Variants in DBNDD1 observed in about 807,000 individuals in gnomAD.
The protein encoded by DBNDD1 is dysbindin domain containing 1.
DBNDD1 carries 14 observed loss-of-function variants against 17.0 expected under a neutral mutation model. That is an observed-to-expected ratio of 0.82 (90% CI 0.54 to 1.29). The LOEUF is 1.29. DBNDD1 is among the 50% of genes most tolerant of loss of function. The pLI is 0.00. For synonymous variants in DBNDD1, 105 were observed against 102.0 expected, an observed-to-expected ratio of 1.03 and a Z score of -0.18; for missense variants, 221 against 216.2, an observed-to-expected ratio of 1.02 and a Z score of -0.14.
chr16:90,013,688 G>A (rs1015674964), intron 1 of DBNDD1, among the ~76,000 whole-genome samples: 6 of 152,190 alleles, frequency 3.9e-5, no homozygotes, highest in African/African-American at 1.4e-4. Flanking sequence ...ACTGGGCGGG[G>A]CCCCTCATCT....
chr16:90,006,831 C>T (rs1340099061), intron 3 of DBNDD1: 2 of 257,378 alleles, frequency 7.8e-6, no homozygotes, highest in African/African-American at 4.3e-5. Flanking sequence ...CCCACCTCAG[C>T]CAACCACCCT....
At chr16:90,015,243 C>T (rs1395085227) in intron 1 of DBNDD1, among the ~76,000 whole-genome samples, 1 of 152,126 alleles carries the variant, frequency 6.6e-6, no homozygotes, top group East Asian at 1.9e-4. Context: ...CTTCTGCCAT[C>T]AGGACACGAA....
chr16:90,016,357 G>A (rs970905693), intron 1 of DBNDD1, among the ~76,000 whole-genome samples: 7 of 152,218 alleles, frequency 4.6e-5, no homozygotes, highest in Admixed American at 1.3e-4. Flanking sequence ...AATTCCTCAC[G>A]GGCGAGACCT....
chr16:90,010,916 GAC>G (rs2035542829), intron 1 of DBNDD1, among the ~76,000 whole-genome samples: 1 of 151,706 alleles, frequency 6.6e-6, no homozygotes, highest in Non-Finnish European at 1.5e-5. Context: ...TCAGGGAAGA[GAC>G]AAAGCGCTGG....
At chr16:90,017,297 C>CA (rs2035655957) in intron 1 of DBNDD1, among the ~76,000 whole-genome samples, 2 of 152,264 alleles carry the variant, frequency 1.3e-5, no homozygotes, top group African/African-American at 4.8e-5. Flanking sequence ...AGATCGAGAT[C>CA]ATCCTGGCTA....
intron 1 of DBNDD1, among the ~76,000 whole-genome samples, chr16:90,018,957 G>T (rs2035706273): frequency 6.6e-6 from 1 of 152,180 alleles, no homozygotes; most frequent in Non-Finnish European, 1.5e-5. Context: ...CCACCGACAG[G>T]GACCCCAAAC....
chr16:90,009,625 G>A (rs1182502323), intron 1 of DBNDD1, 195 bp from the exon 2 acceptor site: 2 of 782,124 alleles, frequency 2.6e-6, no homozygotes, highest in Non-Finnish European at 4.0e-6. Flanking sequence ...CAAGGAGGCT[G>A]CTCCTTCCCC....
In DBNDD1 at chr16:90,019,431, C is replaced by G. The variant is rs2035727687; in HGVS notation, c.-90G>C. On this transcript the variant is annotated 5_prime_UTR_variant, in exon 1 of 4. Coordinates refer to ENST00000002501, the MANE Select transcript of DBNDD1 (RefSeq NM_001042610.3). The surrounding 1 kb of genome is among the most constrained non-coding windows in gnomAD (Gnocchi z 6.1). Reference sequence around the variant, plus strand: ...AGCTGCGGCAGCGACTCGGCCCCGGCTCCGGGCGCAGCGCATCGGGGCAGC... The same window carrying G: ...AGCTGCGGCAGCGACTCGGCCCCGGGTCCGGGCGCAGCGCATCGGGGCAGC... The G allele has an allele frequency of 1.2e-6, 1 of 807,904 alleles. No homozygotes were observed. Among genetic ancestry groups the G allele is most frequent in the Non-Finnish European group, 1.6e-6 (1 of 627,758 alleles). 50.0% of individuals were successfully genotyped at this position (807,904 alleles called of 1,614,324 possible).
intron 3 of DBNDD1, chr16:90,006,782 C>A (rs2035436268): frequency 5.3e-6 from 2 of 376,932 alleles, no homozygotes; most frequent in South Asian, 8.0e-5. Flanking sequence ...ATTAAGTGAC[C>A]CTGGTGGGGC....
At chr16:90,017,494 CAAA>C (rs57236541) in intron 1 of DBNDD1, among the ~76,000 whole-genome samples, 64 of 144,256 alleles carry the variant, frequency 4.4e-4, no homozygotes, top group South Asian at 1.3e-3. Context: ...GACTCCGTCT[CAAA>C]AAAAAAAAAA....
chr16:90,016,306 G>A (rs1273409875), intron 1 of DBNDD1, among the ~76,000 whole-genome samples: 1 of 152,198 alleles, frequency 6.6e-6, no homozygotes, highest in Non-Finnish European at 1.5e-5. Flanking sequence ...AATCACCCAG[G>A]CCTGTCTGAC....
In DBNDD1 at chr16:90,006,432, G is replaced by T. The variant is rs1222322153; in HGVS notation, c.380C>A (p.Ala127Asp). 1 of 1,603,202 alleles carries T rather than the reference G, an allele frequency of 6.2e-7. No homozygotes were observed. The highest frequency in any genetic ancestry group is 2.2e-5 in the East Asian group (1 of 44,874). ...GGGCTGCTTCTCGTGGCTCTGCTCA[G>T]CCCTTGTCCTCGTCCAGGAAGGGGA... Reference protein sequence around the residue: ...LRSPSWTRTRAEQSHEKQPLG... With the variant: ...LRSPSWTRTRDEQSHEKQPLG... Residue 127 changes from alanine to aspartate, a missense_variant, in exon 4 of 4, where the codon GCT (alanine) becomes GAT (aspartate). Ala to Asp is a moderately radical substitution (Grantham distance 126). Coordinates refer to ENST00000002501, the MANE Select transcript of DBNDD1 (RefSeq NM_001042610.3).
rs986131188 is a variant in DBNDD1, at chr16:90,019,343, C to T, written c.-2G>A. ...GCCGGCGCCCTCCGGGGGCTCCATGCGGCCGGTGCGGTCTGGGAGGGGCAC... is the reference window on the plus strand; with the variant it reads ...GCCGGCGCCCTCCGGGGGCTCCATGTGGCCGGTGCGGTCTGGGAGGGGCAC... On this transcript the variant is annotated 5_prime_UTR_variant, in exon 1 of 4. Transcript: ENST00000002501. The surrounding 1 kb of genome is among the most constrained non-coding windows in gnomAD (Gnocchi z 6.1). The T allele has an allele frequency of 2.8e-4, 333 of 1,209,812 alleles. No homozygotes were observed. The highest frequency in any genetic ancestry group is 3.2e-4 in the Middle Eastern group (1 of 3,080). 74.9% of individuals were successfully genotyped at this position (1,209,812 alleles called of 1,614,324 possible).
chr16:90,007,991 G>A (rs377247525), intron 3 of DBNDD1, among the ~76,000 whole-genome samples: 46 of 132,660 alleles, frequency 3.5e-4, no homozygotes, highest in African/African-American at 1.3e-3. Context: ...CTCCCAGGAC[G>A]TCCCAAGGGG....
At position 90,006,494 on chromosome 16, in the gene DBNDD1, TA is replaced by T; in HGVS notation, c.320-3del. 1 of 1,596,082 alleles carries T rather than the reference TA, an allele frequency of 6.3e-7. No homozygotes were observed. Among genetic ancestry groups the T allele is most frequent in the Non-Finnish European group, 8.5e-7 (1 of 1,178,226 alleles). On this transcript the variant is annotated splice_region_variant and splice_polypyrimidine_tract_variant and intron_variant, in intron 3 of 3. Coordinates refer to ENST00000002501, the MANE Select transcript of DBNDD1 (RefSeq NM_001042610.3). The stretch of plus-strand genomic sequence containing the variant: ...CGGCCCGGGGCAGCGGGTGCAGACC[TA>T]GGGGCATGCGGGAAGGGGAACTCGG...
intron 1 of DBNDD1, among the ~76,000 whole-genome samples, chr16:90,014,420 G>A (rs12920128): frequency 6.6e-6 from 1 of 151,890 alleles, no homozygotes; most frequent in African/African-American, 2.4e-5. Context: ...CCACCGTGCC[G>A]GGCCAATACC....
chr16:90,013,746 C>T (rs543836850), intron 1 of DBNDD1, among the ~76,000 whole-genome samples: 1 of 152,332 alleles, frequency 6.6e-6, no homozygotes, highest in African/African-American at 2.4e-5. Context: ...ACTTCCGAAT[C>T]ACCCTCTGTT....
At chr16:90,011,459 G>A (rs2035553878) in intron 1 of DBNDD1, 2 of 345,198 alleles carry the variant, frequency 5.8e-6, no homozygotes, top group South Asian at 4.4e-5. Context: ...GAGCTGGGCA[G>A]TGTGGTTGTG....
intron 1 of DBNDD1, among the ~76,000 whole-genome samples, chr16:90,014,762 T>C (rs1247382960): frequency 1.3e-5 from 2 of 152,002 alleles, no homozygotes; most frequent in African/African-American, 2.4e-5. Context: ...CCCAGCACTT[T>C]GGGAGGCCAA....
Sources: gnomAD v4.1 joint callset for allele counts (sites outside exome capture counted in the v4.1 genomes callset) on GRCh38, gnomAD v4.1.1 for gene constraint, Gnocchi (gnomAD v3.1) non-coding constraint, MANE v1.5 for transcripts, NCBI Gene and HGNC (gene_info 2026-07-23, HGNC 2026-07-21) for gene names.